The following GALNT13 variants were observed in gnomAD, a reference collection of about 807,000 sequenced individuals.
The protein encoded by GALNT13 is polypeptide N-acetylgalactosaminyltransferase 13.
GALNT13 carries 28 observed loss-of-function variants against 64.2 expected under a neutral mutation model. That is an observed-to-expected ratio of 0.44 (90% CI 0.32 to 0.60). The LOEUF (loss-of-function observed/expected upper bound fraction) is 0.60. Ranked by LOEUF, GALNT13 falls within the 20% of genes least tolerant of loss-of-function variation. The pLI, the probability that GALNT13 is intolerant of heterozygous loss-of-function variation, is 0.05. For missense variants in GALNT13, 577 were observed against 669.8 expected, an observed-to-expected ratio of 0.86 and a Z score of 1.53; for synonymous variants, 214 against 224.6, an observed-to-expected ratio of 0.95 and a Z score of 0.42.
chr2:153,534,399 C>T, the GALNT13 span, among the ~76,000 whole-genome samples: 2 of 151,886 alleles, frequency 1.3e-5, no homozygotes, highest in African/African-American at 2.4e-5. Context: ...AGTGTTTCTC[C>T]GATTTGTTTC....
At chr2:154,066,651 A>T (rs534829674) in intron 3 of GALNT13, among the ~76,000 whole-genome samples, 1 of 152,274 alleles carries the variant, frequency 6.6e-6, no homozygotes, top group South Asian at 2.1e-4. Flanking sequence ...TTCCAACATG[A>T]AGGAGAAATA....
intron 9 of GALNT13, among the ~76,000 whole-genome samples, chr2:154,391,934 A>C (rs1031198219): frequency 1.3e-5 from 2 of 152,330 alleles, no homozygotes; most frequent in African/African-American, 2.4e-5. Flanking sequence ...TTTGATAGGA[A>C]GGTCAGAATA....
chr2:153,324,709 C>T, the GALNT13 span, among the ~76,000 whole-genome samples: 5 of 152,266 alleles, frequency 3.3e-5, no homozygotes, highest in Admixed American at 6.5e-5. Context: ...TGAATTTTAT[C>T]GAAGGCCTTT....
the GALNT13 span, among the ~76,000 whole-genome samples, chr2:153,224,560 C>T: frequency 9.1e-4 from 139 of 152,006 alleles, no homozygotes; most frequent in African/African-American, 3.1e-3. Context: ...GAAAATAAAG[C>T]CAAAAGCTAT....
chr2:154,335,746 C>A (rs538688381), intron 9 of GALNT13, among the ~76,000 whole-genome samples: 2 of 152,016 alleles, frequency 1.3e-5, no homozygotes, highest in South Asian at 2.1e-4. Flanking sequence ...TACTAGGATT[C>A]TCGGTTATGT....
At chr2:153,984,534 C>T (rs1025500082) in intron 3 of GALNT13, among the ~76,000 whole-genome samples, 3 of 151,316 alleles carry the variant, frequency 2.0e-5, no homozygotes, top group South Asian at 2.1e-4. Context: ...TTAGATCAAC[C>T]ATCTTTTAAG....
the GALNT13 span, chr2:153,159,510 A>G: frequency 6.6e-6 from 1 of 152,468 alleles, no homozygotes; most frequent in Admixed American, 6.5e-5. Context: ...CATCGAGTAT[A>G]TAAGGAGGTA....
At chr2:153,088,250 A>AT in the GALNT13 span, among the ~76,000 whole-genome samples, 4,489 of 152,122 alleles carry the variant, frequency 0.03, 236 homozygotes, top group African/African-American at 0.1. Context: ...AGATTATTTA[A>AT]TTTTTATGTA....
At chr2:154,259,263 A>G in intron 8 of GALNT13, 125 bp downstream of exon 8, 2 of 660,506 alleles carry the variant, frequency 3.0e-6, no homozygotes, top group African/African-American at 1.9e-5. Flanking sequence ...TCAATTGGTT[A>G]TCTTAATTCA....
chr2:153,235,817 G>T, the GALNT13 span, among the ~76,000 whole-genome samples: 1 of 152,128 alleles, frequency 6.6e-6, no homozygotes, highest in Non-Finnish European at 1.5e-5. Flanking sequence ...AAGTACTCAA[G>T]TAAAAGGAAG....
chr2:153,966,330 AAT>A (rs1206974888), intron 3 of GALNT13, among the ~76,000 whole-genome samples: 2 of 147,926 alleles, frequency 1.4e-5, no homozygotes, highest in South Asian at 4.2e-4. Flanking sequence ...AAAGTTTCTT[AAT>A]ATGCTATTTG....
At chr2:154,303,313 G>A (rs549084974) in intron 9 of GALNT13, among the ~76,000 whole-genome samples, 1 of 152,102 alleles carries the variant, frequency 6.6e-6, no homozygotes, top group East Asian at 2.0e-4. Flanking sequence ...AGAATGGTTG[G>A]ATCAGGTGCG....
At chr2:153,573,312 T>C in the GALNT13 span, among the ~76,000 whole-genome samples, 1 of 152,042 alleles carries the variant, frequency 6.6e-6, no homozygotes, top group Non-Finnish European at 1.5e-5. Flanking sequence ...TCCATTTATT[T>C]ACTTTTAGTC....
the GALNT13 span, among the ~76,000 whole-genome samples, chr2:153,126,080 T>C: frequency 6.7e-6 from 1 of 148,740 alleles, no homozygotes; most frequent in South Asian, 2.1e-4. Context: ...ATGGATTAAA[T>C]AAAACTGATT....
chr2:154,067,184 A>T (rs1487835356), intron 3 of GALNT13, among the ~76,000 whole-genome samples: 1 of 152,070 alleles, frequency 6.6e-6, no homozygotes, highest in African/African-American at 2.4e-5. Context: ...TAAACATACC[A>T]CCAGAGAAAA....
the GALNT13 span, among the ~76,000 whole-genome samples, chr2:153,716,153 AGAGT>A: frequency 5.3e-5 from 8 of 152,202 alleles, no homozygotes; most frequent in African/African-American, 1.7e-4. Context: ...GTAAAGTAAA[AGAGT>A]GAGTTTGGGA....
the GALNT13 span, among the ~76,000 whole-genome samples, chr2:153,791,386 C>T: frequency 5.7e-4 from 87 of 151,976 alleles, no homozygotes; most frequent in Admixed American, 3.4e-3. Flanking sequence ...TGGTTTTTGC[C>T]GTTAGTTTTG....
intron 3 of GALNT13, among the ~76,000 whole-genome samples, chr2:153,961,504 A>G (rs1692941823): frequency 1.3e-5 from 2 of 152,198 alleles, no homozygotes; most frequent in Admixed American, 6.5e-5. Context: ...GGTAATACAT[A>G]ATAATAAAGG....
chr2:154,113,730 G>A (rs545092521), intron 3 of GALNT13, among the ~76,000 whole-genome samples: 1 of 152,310 alleles, frequency 6.6e-6, no homozygotes, highest in Non-Finnish European at 1.5e-5. Context: ...GTGATATCTT[G>A]CAGAAGTGAA....
Sources: gnomAD v4.1 joint callset for allele counts (sites outside exome capture counted in the v4.1 genomes callset) on GRCh38, gnomAD v4.1.1 for gene constraint, MANE v1.5 for transcripts, NCBI Gene and HGNC (gene_info 2026-07-23, HGNC 2026-07-21) for gene names.